The following DGKH variants were observed in gnomAD, a reference collection of about 807,000 sequenced individuals.
DGKH encodes diacylglycerol kinase eta.
A neutral mutation model predicts 159.3 loss-of-function variants in DGKH; 90 were observed. The observed-to-expected ratio is 0.57, with a 90% CI of 0.48 to 0.67. The LOEUF (loss-of-function observed/expected upper bound fraction) is 0.67. DGKH is among the 30% of genes least tolerant of loss of function. DGKH has a pLI of 0.00. For missense variants in DGKH, 1,181 were observed against 1,506.1 expected, an observed-to-expected ratio of 0.78 and a Z score of 3.57; for synonymous variants, 536 against 553.8, an observed-to-expected ratio of 0.97 and a Z score of 0.45.
chr13:42,145,824 A>C (rs1202382954), intron 3 of DGKH, among the ~76,000 whole-genome samples: 1 of 152,340 alleles, frequency 6.6e-6, no homozygotes, highest in South Asian at 2.1e-4. Flanking sequence ...GTAGTTAGCT[A>C]CTGGGGGAGT....
chr13:42,057,258 A>T (rs1006642181), intron 1 of DGKH, among the ~76,000 whole-genome samples: 2 of 152,204 alleles, frequency 1.3e-5, no homozygotes, highest in Non-Finnish European at 2.9e-5. Flanking sequence ...CACATGGCCT[A>T]TTAAAACATA....
At chr13:42,040,305 C>T (rs1339367425) in intron 1 of DGKH, among the ~76,000 whole-genome samples, 1 of 152,174 alleles carries the variant, frequency 6.6e-6, no homozygotes, top group African/African-American at 2.4e-5. Flanking sequence ...CCGTCGCCAG[C>T]GCGGTGGCCA....
chr13:42,053,534 A>C (rs28428609), intron 1 of DGKH, among the ~76,000 whole-genome samples: 1 of 81,954 alleles, frequency 1.2e-5, no homozygotes, highest in Non-Finnish European at 2.7e-5. Flanking sequence ...ATAACTATAT[A>C]TGTATATATA....
intron 5 of DGKH, among the ~76,000 whole-genome samples, 190 bp downstream of exon 5, chr13:42,155,989 A>G (rs965298324): frequency 6.6e-6 from 1 of 151,588 alleles, no homozygotes; most frequent in African/African-American, 2.4e-5. Context: ...TTCACCCCCA[A>G]GAAACTAGGA....
intron 16 of DGKH, among the ~76,000 whole-genome samples, 169 bp from the exon 17 acceptor site, chr13:42,194,716 T>C (rs958406804): frequency 1.3e-5 from 2 of 152,244 alleles, no homozygotes; most frequent in East Asian, 3.8e-4. Context: ...AATCAAGACT[T>C]CTTATTCCCT....
At chr13:42,090,484 T>C (rs973275146) in intron 1 of DGKH, among the ~76,000 whole-genome samples, 9 of 152,186 alleles carry the variant, frequency 5.9e-5, no homozygotes, top group Non-Finnish European at 1.0e-4. Flanking sequence ...TGTCTCACAC[T>C]GCCTGATTTC....
In DGKH at chr13:42,231,922, T is replaced by G. The variant is rs1332860956; in HGVS notation, c.*2734T>G. The G allele has an allele frequency of 6.6e-6, 1 of 152,136 alleles. No homozygotes were observed. The allele number at this position is 152,136 out of a possible 1,614,324, so 9.4% of individuals were successfully genotyped here. On this transcript the variant is annotated 3_prime_UTR_variant, in exon 30 of 30. Transcript: ENST00000337343. The stretch of plus-strand genomic sequence containing the variant: ...GAGGGAAATTCTATAAAATGACAAT[T>G]TGGATATACTTTTTGTTAAATGAGA...
At chr13:42,202,299 A>G (rs1384539500) in intron 20 of DGKH, among the ~76,000 whole-genome samples, 1 of 152,110 alleles carries the variant, frequency 6.6e-6, no homozygotes, top group Non-Finnish European at 1.5e-5. Context: ...CTAAAAATTC[A>G]TTTTTCTGAT....
rs1173945780 is a variant in DGKH, at chr13:42,240,678, C to A, written c.*11490C>A. Reference sequence around the variant, plus strand: ...ATAAGAAGGCTTGTGACTCTTATCACCCTCTATAGAATATAAAGACTAAAA... The same window carrying A: ...ATAAGAAGGCTTGTGACTCTTATCAACCTCTATAGAATATAAAGACTAAAA... On this transcript the variant is annotated 3_prime_UTR_variant, in exon 30 of 30. Transcript: ENST00000337343. 6.6e-6 allele frequency: 1 copy of A among 152,140 alleles called. No homozygotes were observed. The highest frequency in any genetic ancestry group is 2.4e-5 in the African/African-American group (1 of 41,418). The allele number at this position is 152,140 out of a possible 1,614,324, so 9.4% of individuals were successfully genotyped here.
chr13:42,181,201 C>A (rs1165543038), intron 13 of DGKH, among the ~76,000 whole-genome samples: 2 of 141,666 alleles, frequency 1.4e-5, no homozygotes, highest in Admixed American at 1.6e-4. Flanking sequence ...GGCGTGAACC[C>A]GGGAGGCGGA....
chr13:42,095,993 C>T (rs1292597846), intron 1 of DGKH, among the ~76,000 whole-genome samples: 1 of 152,082 alleles, frequency 6.6e-6, no homozygotes, highest in Non-Finnish European at 1.5e-5. Context: ...GAATTGAAAA[C>T]TTTTTTGATT....
intron 1 of DGKH, among the ~76,000 whole-genome samples, chr13:42,126,030 G>C (rs1485277402): frequency 6.6e-6 from 1 of 152,162 alleles, no homozygotes; most frequent in Non-Finnish European, 1.5e-5. Flanking sequence ...CCTATCCTAA[G>C]GGGGTCTATT....
chr13:42,093,385 T>G (rs1287425321), intron 1 of DGKH, among the ~76,000 whole-genome samples: 1 of 152,070 alleles, frequency 6.6e-6, no homozygotes, highest in Non-Finnish European at 1.5e-5. Flanking sequence ...GGCAAGAATG[T>G]AGAGAAAGTG....
intron 21 of DGKH, among the ~76,000 whole-genome samples, chr13:42,206,975 T>TTTTTC (rs1555275940): frequency 2.4e-5 from 2 of 82,310 alleles, no homozygotes; most frequent in Admixed American, 1.4e-4. Context: ...TACTTTTACT[T>TTTTTC]TTTCTTTCTT....
At chr13:42,083,638 T>A (rs1954251456) in intron 1 of DGKH, among the ~76,000 whole-genome samples, 1 of 152,174 alleles carries the variant, frequency 6.6e-6, no homozygotes, top group Non-Finnish European at 1.5e-5. Flanking sequence ...TGGACTGGGC[T>A]TCTGTGGCTT....
chr13:42,119,583 T>C (rs1241638697), intron 1 of DGKH, among the ~76,000 whole-genome samples: 1 of 152,240 alleles, frequency 6.6e-6, no homozygotes, highest in Non-Finnish European at 1.5e-5. Flanking sequence ...CATTATCCTC[T>C]TAAAAGTTTT....
chr13:42,164,217 A>G (rs931494405), intron 7 of DGKH, among the ~76,000 whole-genome samples: 10 of 152,238 alleles, frequency 6.6e-5, no homozygotes, highest in African/African-American at 2.4e-4. Context: ...AGGTCTGTGG[A>G]CATAGTTTTA....
Position 42,210,598 on chromosome 13 carries a change from A to G in DGKH, c.2851-4A>G, listed in dbSNP as rs1231638630. On this transcript the variant is annotated splice_region_variant and splice_polypyrimidine_tract_variant and intron_variant, in intron 23 of 29. Transcript: ENST00000337343. ...CAATTCGTTACAATATTGACTTTAA[A>G]TAGGCCTTTGAGAGCACTCTGAAAT... is the stretch of plus-strand genomic sequence containing the variant. 1 of 1,610,994 alleles carries G rather than the reference A, an allele frequency of 6.2e-7. No homozygotes were observed. The highest frequency in any genetic ancestry group is 1.1e-5 in the South Asian group (1 of 90,728).
intron 11 of DGKH, 73 bp from the exon 12 acceptor site, chr13:42,173,987 G>GCA (rs1956536120): frequency 9.7e-7 from 1 of 1,026,244 alleles, no homozygotes; most frequent in Non-Finnish European, 1.5e-6. Context: ...GTGTGTGCGC[G>GCA]TTTATGAGAT....
Sources: allele counts gnomAD v4.1 joint callset (sites outside exome capture counted in the v4.1 genomes callset), GRCh38; gene constraint gnomAD v4.1.1; transcripts MANE v1.5; gene names NCBI Gene and HGNC (gene_info 2026-07-23, HGNC 2026-07-21).